Variants in ZBBX observed in about 807,000 individuals in gnomAD.
The protein encoded by ZBBX is zinc finger B-box domain-containing protein 1.
ZBBX carries 101 observed loss-of-function variants against 108.5 expected under a neutral mutation model. The observed-to-expected ratio is 0.93, with a 90% CI of 0.79 to 1.10. The LOEUF is 1.10. Among genes scored for constraint, ZBBX ranks in the 50% least tolerant of loss-of-function variants. The pLI is 0.00. For missense variants in ZBBX, 1,009 were observed against 941.4 expected, an observed-to-expected ratio of 1.07 and a Z score of -0.94; for synonymous variants, 356 against 323.4, an observed-to-expected ratio of 1.10 and a Z score of -1.08.
chr3:167,273,535 G>T (rs756900999), intron 20 of ZBBX, among the ~76,000 whole-genome samples: 1 of 152,142 alleles, frequency 6.6e-6, no homozygotes, highest in Non-Finnish European at 1.5e-5. Flanking sequence ...TCTCATGACA[G>T]GGGGAGAACT....
At chr3:167,208,208 A>G in the ZBBX span, among the ~76,000 whole-genome samples, 1 of 152,184 alleles carries the variant, frequency 6.6e-6, no homozygotes, top group African/African-American at 2.4e-5. Flanking sequence ...GCTCTGGGGT[A>G]CCAAAGAAAC....
intron 20 of ZBBX, among the ~76,000 whole-genome samples, chr3:167,264,423 A>G (rs1386386636): frequency 6.6e-6 from 1 of 152,130 alleles, no homozygotes; most frequent in Admixed American, 6.5e-5. Flanking sequence ...ATATGTTATA[A>G]CCCATCATTT....
the ZBBX span, among the ~76,000 whole-genome samples, chr3:167,195,711 G>T: frequency 6.6e-6 from 1 of 152,064 alleles, no homozygotes; most frequent in Non-Finnish European, 1.5e-5. Context: ...TGAAGCCAAC[G>T]GTAGCCTTTA....
intron 13 of ZBBX, 52 bp from the exon 14 acceptor site, chr3:167,317,157 T>A (rs1203099480): frequency 1.6e-6 from 2 of 1,248,532 alleles, no homozygotes; most frequent in Admixed American, 4.0e-5. Flanking sequence ...TCTTACTTTA[T>A]AATTTCTTCA....
chr3:167,309,876 G>A (rs1041420130), intron 16 of ZBBX, among the ~76,000 whole-genome samples: 2 of 152,170 alleles, frequency 1.3e-5, no homozygotes, highest in African/African-American at 4.8e-5. Flanking sequence ...AAGAATGGGT[G>A]TTTCTTTTCT....
chr3:167,293,290 G>A (rs553644907), intron 18 of ZBBX, among the ~76,000 whole-genome samples: 52 of 152,192 alleles, frequency 3.4e-4, no homozygotes, highest in Non-Finnish European at 5.3e-4. Context: ...ATATCTATGC[G>A]AAAATCCTCA....
At position 167,305,652 on chromosome 3, in the gene ZBBX, CTT is replaced by C; in HGVS notation, c.1714_1715del (p.Lys572ValfsTer13). The C allele has an allele frequency of 5.1e-6, 8 of 1,554,058 alleles. No individual in the cohort carries two copies. The highest frequency in any genetic ancestry group is 6.9e-6 in the Non-Finnish European group (8 of 1,156,130). Reference sequence around the variant, plus strand: ...CATAATAGAGATTTACCAGTGATGACTTTGTAGTTTTTGATTCTTCAAAGCTT... The same window carrying C: ...CATAATAGAGATTTACCAGTGATGACTGTAGTTTTTGATTCTTCAAAGCTT... ...RPSFEESKTT[K>X]SSLLLQEIAC... On this transcript the variant is annotated frameshift_variant, in exon 17 of 22. Transcript: ENST00000675490. LOFTEE classifies it high-confidence loss of function.
At chr3:167,196,513 A>G in the ZBBX span, among the ~76,000 whole-genome samples, 19 of 152,314 alleles carry the variant, frequency 1.2e-4, no homozygotes, top group African/African-American at 4.6e-4. Context: ...TGGGATTTAT[A>G]TCCCATATGA....
chr3:167,259,833 G>T (rs1413909324), intron 20 of ZBBX, among the ~76,000 whole-genome samples: 1 of 152,146 alleles, frequency 6.6e-6, no homozygotes, highest in African/African-American at 2.4e-5. Context: ...TGTGGTCAGA[G>T]AGTGCTTGAT....
chr3:167,248,210 C>T (rs1319768138), intron 20 of ZBBX, among the ~76,000 whole-genome samples: 1 of 152,142 alleles, frequency 6.6e-6, no homozygotes, highest in Non-Finnish European at 1.5e-5. Flanking sequence ...AAGGCCAAGC[C>T]CAACAGCCAC....
At chr3:167,320,085 G>C (rs1736170171) in intron 12 of ZBBX, among the ~76,000 whole-genome samples, 1 of 151,686 alleles carries the variant, frequency 6.6e-6, no homozygotes, top group Admixed American at 6.6e-5. Context: ...TGTGGCACCA[G>C]AATAGTAATG....
chr3:167,272,256 G>A (rs997977904), intron 20 of ZBBX, among the ~76,000 whole-genome samples: 2 of 152,116 alleles, frequency 1.3e-5, no homozygotes. Flanking sequence ...CTACGTTTGA[G>A]ACAAAAGATC....
chr3:167,190,441 C>T, the ZBBX span, among the ~76,000 whole-genome samples: 1 of 142,252 alleles, frequency 7.0e-6, no homozygotes, highest in Non-Finnish European at 1.5e-5. Flanking sequence ...AGTGCAGTGG[C>T]GCAATCTCGG....
chr3:167,401,331 T>G (rs1169875800), intron 1 of ZBBX: 2 of 152,150 alleles, frequency 1.3e-5, no homozygotes, highest in African/African-American at 4.8e-5. Flanking sequence ...GCTCTTATTG[T>G]TGCAGGAAAG....
chr3:167,201,712 T>TG, the ZBBX span, among the ~76,000 whole-genome samples: 1 of 152,150 alleles, frequency 6.6e-6, no homozygotes, highest in Non-Finnish European at 1.5e-5. Flanking sequence ...CTCCAGGAGA[T>TG]GCAGATTGCT....
At chr3:167,387,164 A>G (rs1326165775) in intron 1 of ZBBX, among the ~76,000 whole-genome samples, 53 of 152,060 alleles carry the variant, frequency 3.5e-4, no homozygotes, top group Admixed American at 3.2e-3. Flanking sequence ...GCTTTGGTGA[A>G]GGTAATGCTC....
the ZBBX span, among the ~76,000 whole-genome samples, chr3:167,214,237 CA>C: frequency 4.0e-5 from 6 of 151,784 alleles, no homozygotes; most frequent in Admixed American, 1.3e-4. Context: ...ATAAAAAAAG[CA>C]GCACCCAGAC....
At chr3:167,264,958 C>T (rs1018713770) in intron 20 of ZBBX, among the ~76,000 whole-genome samples, 2 of 152,214 alleles carry the variant, frequency 1.3e-5, no homozygotes, top group African/African-American at 4.8e-5. Context: ...CTGGGACTCA[C>T]CCTTCAGGAT....
intron 20 of ZBBX, among the ~76,000 whole-genome samples, chr3:167,262,015 A>G (rs1724630855): frequency 6.6e-6 from 1 of 152,178 alleles, no homozygotes; most frequent in African/African-American, 2.4e-5. Flanking sequence ...ACAAGCTCCC[A>G]GGGCCTTTCT....
Sources: gnomAD v4.1 joint callset for allele counts (sites outside exome capture counted in the v4.1 genomes callset) on GRCh38, gnomAD v4.1.1 for gene constraint, MANE v1.5 for transcripts, NCBI Gene and HGNC (gene_info 2026-07-23, HGNC 2026-07-21) for gene names.